The following L3MBTL4 variants were observed in gnomAD, a reference collection of about 807,000 sequenced individuals.
The protein encoded by L3MBTL4 is L3MBTL histone methyl-lysine binding protein 4.
L3MBTL4 carries 70 observed loss-of-function variants against 84.5 expected under a neutral mutation model. That is an observed-to-expected ratio of 0.83 (90% confidence interval 0.68 to 1.01). The LOEUF (loss-of-function observed/expected upper bound fraction) is 1.01. L3MBTL4 is among the 50% of genes least tolerant of loss of function. The pLI, the probability that L3MBTL4 is intolerant of heterozygous loss-of-function variation, is 0.00. For missense variants in L3MBTL4, 715 were observed against 754.8 expected (o/e 0.95, Z 0.62); for synonymous variants, 274 against 259.8 (o/e 1.05, Z -0.52).
At chr18:6,108,243 A>G (rs2059078101) in intron 14 of L3MBTL4, among the ~76,000 whole-genome samples, 2 of 152,296 alleles carry the variant, frequency 1.3e-5, no homozygotes, top group Middle Eastern at 3.4e-3. Context: ...AGACATGAAC[A>G]ACATCACTGC....
intron 13 of L3MBTL4, among the ~76,000 whole-genome samples, chr18:6,155,059 A>G (rs567404522): frequency 1.3e-5 from 2 of 152,308 alleles, no homozygotes; most frequent in East Asian, 3.9e-4. Flanking sequence ...TGGAACAATA[A>G]AAGCTTTTAA....
chr18:6,255,678 C>T (rs1049208902), intron 5 of L3MBTL4, among the ~76,000 whole-genome samples: 5 of 151,554 alleles, frequency 3.3e-5, no homozygotes, highest in African/African-American at 1.2e-4. Context: ...ATATAATGCA[C>T]ACAGTATTCT....
intron 1 of L3MBTL4, among the ~76,000 whole-genome samples, chr18:6,342,614 C>T (rs1047655157): frequency 6.6e-6 from 1 of 151,546 alleles, no homozygotes; most frequent in Non-Finnish European, 1.5e-5. Context: ...TCAAAACATA[C>T]TACCACAAAA....
At chr18:6,305,979 G>T (rs1226099031) in intron 3 of L3MBTL4, among the ~76,000 whole-genome samples, 1 of 152,186 alleles carries the variant, frequency 6.6e-6, no homozygotes, top group Non-Finnish European at 1.5e-5. Flanking sequence ...CTCCTTTGCT[G>T]TCAGACCAAA....
intron 16 of L3MBTL4, among the ~76,000 whole-genome samples, chr18:6,041,748 G>A (rs1031750984): frequency 6.6e-6 from 1 of 151,814 alleles, no homozygotes; most frequent in African/African-American, 2.4e-5. Context: ...TTTTTTAGAT[G>A]GGGTCTCACC....
intron 4 of L3MBTL4, among the ~76,000 whole-genome samples, chr18:6,265,550 CTA>C (rs2048592903): frequency 6.6e-6 from 1 of 152,116 alleles, no homozygotes; most frequent in Non-Finnish European, 1.5e-5. Flanking sequence ...TTATCGAAAA[CTA>C]TATTTTTATG....
intron 16 of L3MBTL4, among the ~76,000 whole-genome samples, chr18:5,979,425 C>T (rs1275910253): frequency 6.6e-6 from 1 of 152,158 alleles, no homozygotes; most frequent in East Asian, 1.9e-4. Context: ...ATGATCCCTG[C>T]CAGAGGCCAG....
At chr18:6,262,125 T>A (rs1040858524) in intron 5 of L3MBTL4, among the ~76,000 whole-genome samples, 1 of 152,142 alleles carries the variant, frequency 6.6e-6, no homozygotes, top group African/African-American at 2.4e-5. Flanking sequence ...CCCCGCTACC[T>A]CTGCCCTTGG....
Position 6,096,147 on chromosome 18 carries a change from GCTTA to G in L3MBTL4, c.1200-2623_1200-2620del, listed in dbSNP as rs201802616. On this transcript the variant is annotated intron_variant, in intron 14 of 18. Transcript: ENST00000317931. ...GGCACTAATGCTGCCTCTTCCTAAGGCTTACTTATCTGTCCAGCATCTGTAGACA... is the reference window on the plus strand; with the variant it reads ...GGCACTAATGCTGCCTCTTCCTAAGGCTTATCTGTCCAGCATCTGTAGACA... 3.5e-3 allele frequency among the ~76,000 whole-genome samples: 535 copies of G among 151,910 alleles called. 5 individuals are homozygous for G. Among genetic ancestry groups the G allele is most frequent in the African/African-American group, 0.012 (503 of 41,434 alleles).
Position 5,959,888 on chromosome 18 carries a change from A to G in L3MBTL4, c.1677+206T>C, listed in dbSNP as rs2095253686. On this transcript the variant is annotated intron_variant, in intron 18 of 18. Transcript: ENST00000317931. ...GGAGACTGACCCAGCTTGGTCTCAC[A>G]CTGCATAATTGGGCTCTATTCCTGC... Among the ~76,000 whole-genome samples the G allele has an allele frequency of 2.0e-5, 3 of 152,072 alleles. No homozygotes were observed. The South Asian group carries it at 6.2e-4, about 32-fold the overall frequency.
At chr18:6,243,019 TATAAA>T (rs1203279823) in intron 7 of L3MBTL4, among the ~76,000 whole-genome samples, 4 of 152,236 alleles carry the variant, frequency 2.6e-5, no homozygotes, top group African/African-American at 4.8e-5. Flanking sequence ...ATAAACTTTA[TATAAA>T]ATAAAATAAA....
intron 8 of L3MBTL4, among the ~76,000 whole-genome samples, chr18:6,240,781 G>A (rs998867096): frequency 6.6e-6 from 1 of 152,194 alleles, no homozygotes; most frequent in Non-Finnish European, 1.5e-5. Context: ...GATGTCTGGA[G>A]AAATTCAGTG....
chr18:6,149,284 T>A (rs1010186042), intron 13 of L3MBTL4, among the ~76,000 whole-genome samples: 1 of 149,098 alleles, frequency 6.7e-6, no homozygotes, highest in Non-Finnish European at 1.5e-5. Flanking sequence ...CACCTATGAG[T>A]GAGAACATAT....
intron 4 of L3MBTL4, among the ~76,000 whole-genome samples, chr18:6,286,566 C>G (rs557736825): frequency 1.1e-3 from 164 of 152,290 alleles, no homozygotes; most frequent in African/African-American, 3.6e-3. Flanking sequence ...ACCAGCTGGT[C>G]TGTGTGTATG....
chr18:6,027,221 TTCCCCTCCCTGTG>T (rs1425500763), intron 16 of L3MBTL4, among the ~76,000 whole-genome samples: 1 of 152,172 alleles, frequency 6.6e-6, no homozygotes, highest in Non-Finnish European at 1.5e-5. Context: ...CTGTATGATG[TTCCCCTCCCTGTG>T]TCCATGTGTT....
At chr18:6,365,912 C>T (rs1480137885) in intron 1 of L3MBTL4, among the ~76,000 whole-genome samples, 1 of 152,124 alleles carries the variant, frequency 6.6e-6, no homozygotes, top group Non-Finnish European at 1.5e-5. Context: ...AGGACAGACA[C>T]TGTCAATGTA....
chr18:5,983,489 G>A (rs2053329145), intron 16 of L3MBTL4, among the ~76,000 whole-genome samples: 1 of 151,832 alleles, frequency 6.6e-6, no homozygotes, highest in Non-Finnish European at 1.5e-5. Flanking sequence ...GTGTGTGTTT[G>A]TGTGGGTGGG....
intron 10 of L3MBTL4, among the ~76,000 whole-genome samples, chr18:6,216,181 C>T (rs1327570670): frequency 6.6e-6 from 1 of 152,104 alleles, no homozygotes; most frequent in Admixed American, 6.6e-5. Context: ...TTTGAAAACA[C>T]TTACAAGCAA....
chr18:6,093,609 AC>A, intron 14 of L3MBTL4, 81 bp from the exon 15 acceptor site: 1 of 1,146,034 alleles, frequency 8.7e-7, no homozygotes. Flanking sequence ...GCAGACTTAC[AC>A]CTAATATTTA....
Sources: gnomAD v4.1 joint callset for allele counts (sites outside exome capture counted in the v4.1 genomes callset) on GRCh38, gnomAD v4.1.1 for gene constraint, MANE v1.5 for transcripts, NCBI Gene and HGNC (gene_info 2026-07-23, HGNC 2026-07-21) for gene names.